Variants in PKHD1 observed in about 807,000 individuals in gnomAD.
PKHD1 encodes the protein fibrocystin.
In PKHD1, 291 loss-of-function variants were observed where a neutral mutation model predicts 412.0. The ratio of observed to expected loss-of-function variants is 0.71; its 90% CI spans 0.64 to 0.78. The LOEUF is 0.78. Among genes scored for constraint, PKHD1 ranks in the 30% least tolerant of loss-of-function variants. PKHD1 has a pLI of 0.00. For missense variants in PKHD1, 4,825 were observed against 4,950.7 expected (o/e 0.97, Z 0.76); for synonymous variants, 1,777 against 1,821.5 (o/e 0.98, Z 0.62).
At chr6:51,632,806 C>A (rs1768089529) in intron 64 of PKHD1, 83 bp from the exon 65 acceptor site, 1 of 1,064,576 alleles carries the variant, frequency 9.4e-7, no homozygotes. Context: ...TAAATACATT[C>A]ATAATAGTAT....
intron 55 of PKHD1, among the ~76,000 whole-genome samples, chr6:51,768,065 C>T (rs929838181): frequency 1.3e-5 from 2 of 151,922 alleles, no homozygotes; most frequent in African/African-American, 2.4e-5. Flanking sequence ...CTCTGATGGC[C>T]AGTGATGATG....
chr6:52,042,709 T>C, intron 27 of PKHD1, 150 bp downstream of exon 27: 5 of 739,726 alleles, frequency 6.8e-6, no homozygotes, highest in Non-Finnish European at 1.1e-5. Context: ...GGCTCAAATG[T>C]TTGTTGCTCA....
chr6:51,802,980 ATATAT>A (rs59507909), intron 52 of PKHD1, among the ~76,000 whole-genome samples: 89,983 of 150,116 alleles, frequency 0.6, 27,988 homozygotes, highest in East Asian at 0.83. Context: ...TTAAATATAC[ATATAT>A]TATATCAATT....
chr6:51,919,482 G>A (rs1784349582), intron 37 of PKHD1, among the ~76,000 whole-genome samples: 1 of 152,104 alleles, frequency 6.6e-6, no homozygotes, highest in Admixed American at 6.5e-5. Flanking sequence ...TGTTCCATTG[G>A]TCTATATCTC....
chr6:51,662,114 A>G (rs1364549813), intron 60 of PKHD1, among the ~76,000 whole-genome samples: 2 of 151,964 alleles, frequency 1.3e-5, no homozygotes, highest in Admixed American at 1.3e-4. Context: ...CTTTTACTAT[A>G]TTAAAATTTG....
At position 51,824,880 on chromosome 6, in the gene PKHD1, C is replaced by T. The variant is rs375689170; in HGVS notation, c.8302+5981G>A. Reference sequence around the variant, plus strand: ...ATTCCCACTGCAAAGTGAGCAATTCCAAATTGGGGGCCCAATTATGTTTGG... The same window carrying T: ...ATTCCCACTGCAAAGTGAGCAATTCTAAATTGGGGGCCCAATTATGTTTGG... On this transcript the variant is annotated intron_variant, in intron 52 of 66. Transcript: ENST00000371117. Among the ~76,000 whole-genome samples, 13 of 152,250 alleles carry T rather than the reference C, an allele frequency of 8.5e-5. 3 individuals are homozygous for T. The highest frequency in any genetic ancestry group is 5.8e-4 in the East Asian group (3 of 5,174).
intron 35 of PKHD1, among the ~76,000 whole-genome samples, chr6:51,974,190 G>A (rs1177410796): frequency 1.3e-5 from 2 of 152,120 alleles, no homozygotes; most frequent in Non-Finnish European, 2.9e-5. Flanking sequence ...TACCTGGGAT[G>A]TACCTAAAGT....
At chr6:51,854,413 T>A (rs1419072776) in intron 49 of PKHD1, among the ~76,000 whole-genome samples, 1 of 152,070 alleles carries the variant, frequency 6.6e-6, no homozygotes, top group Admixed American at 6.6e-5. Context: ...TTTGGTGGCA[T>A]GAGGAGCAGG....
intron 50 of PKHD1, among the ~76,000 whole-genome samples, chr6:51,837,852 G>A (rs1361788408): frequency 6.6e-6 from 1 of 152,000 alleles, no homozygotes; most frequent in Non-Finnish European, 1.5e-5. Context: ...ATTTTTCTAA[G>A]GATGTAAAGC....
chr6:51,819,552 A>C (rs1266086163), intron 52 of PKHD1, among the ~76,000 whole-genome samples: 2 of 152,064 alleles, frequency 1.3e-5, no homozygotes, highest in Non-Finnish European at 2.9e-5. Flanking sequence ...CCTATAGCAC[A>C]TTTGTTAGTC....
chr6:52,038,123 T>C (rs1457748453), intron 27 of PKHD1, among the ~76,000 whole-genome samples: 1 of 152,208 alleles, frequency 6.6e-6, no homozygotes, highest in Non-Finnish European at 1.5e-5. Context: ...GGCTCACGCC[T>C]GTAATCTCAA....
At chr6:51,827,216 A>C (rs1767461786) in intron 52 of PKHD1, among the ~76,000 whole-genome samples, 1 of 152,174 alleles carries the variant, frequency 6.6e-6, no homozygotes, top group African/African-American at 2.4e-5. Flanking sequence ...GCCATTGGAA[A>C]GCAAATACAA....
chr6:51,644,565 G>A (rs1402909779), intron 63 of PKHD1, among the ~76,000 whole-genome samples: 1 of 152,122 alleles, frequency 6.6e-6, no homozygotes, highest in Non-Finnish European at 1.5e-5. Context: ...TTGCAGGTAG[G>A]CTGATGTTTG....
intron 49 of PKHD1, among the ~76,000 whole-genome samples, chr6:51,849,266 T>C (rs1012429063): frequency 6.6e-6 from 1 of 152,252 alleles, no homozygotes; most frequent in African/African-American, 2.4e-5. Flanking sequence ...TATTCCATGA[T>C]GTGTATGTAC....
chr6:51,727,792 G>A (rs1056064206), intron 60 of PKHD1, among the ~76,000 whole-genome samples: 1 of 152,156 alleles, frequency 6.6e-6, no homozygotes, highest in Non-Finnish European at 1.5e-5. Flanking sequence ...ACACTTCAGT[G>A]CAACAGGTGT....
At chr6:51,628,676 T>C (rs1444462088) in intron 65 of PKHD1, among the ~76,000 whole-genome samples, 1 of 152,206 alleles carries the variant, frequency 6.6e-6, no homozygotes, top group Non-Finnish European at 1.5e-5. Context: ...GCTGAACTAA[T>C]TTACATTCCC....
intron 35 of PKHD1, among the ~76,000 whole-genome samples, chr6:51,978,985 T>C (rs1794799681): frequency 6.6e-6 from 1 of 152,200 alleles, no homozygotes; most frequent in South Asian, 2.1e-4. Flanking sequence ...ATTTTCCCCT[T>C]TCTACAAACT....
At chr6:51,747,149 T>A (rs1785300562) in intron 58 of PKHD1, among the ~76,000 whole-genome samples, 1 of 152,268 alleles carries the variant, frequency 6.6e-6, no homozygotes, top group African/African-American at 2.4e-5. Flanking sequence ...TGAGGCTTAA[T>A]CAAAATCCAT....
intron 35 of PKHD1, among the ~76,000 whole-genome samples, chr6:51,991,880 T>A (rs185520674): frequency 0.02 from 3,112 of 152,364 alleles, 64 homozygotes; most frequent in Middle Eastern, 0.1. Flanking sequence ...ATAGCATTTT[T>A]AAATTATTTC....
Sources: gnomAD v4.1 joint callset for allele counts (sites outside exome capture counted in the v4.1 genomes callset) on GRCh38, gnomAD v4.1.1 for gene constraint, MANE v1.5 for transcripts, NCBI Gene and HGNC (gene_info 2026-07-23, HGNC 2026-07-21) for gene names.